TRIP12: variants seen among roughly 807,000 people sequenced by gnomAD.
The protein encoded by TRIP12 is E3 ubiquitin-protein ligase TRIP12.
TRIP12 carries 25 observed loss-of-function variants against 244.2 expected under a neutral mutation model. The observed-to-expected ratio is 0.10, with a 90% confidence interval of 0.07 to 0.14. The LOEUF (loss-of-function observed/expected upper bound fraction) is 0.14, where lower values mean the gene tolerates loss of function less well. TRIP12 is among the 10% of genes least tolerant of loss of function. The pLI is 1.00. For missense variants in TRIP12, 1,677 were observed against 2,486.4 expected (o/e 0.67, Z 6.92); for synonymous variants, 905 against 873.1 (o/e 1.04, Z -0.64).
At chr2:229,768,497 G>A (rs2032792843) in intron 41 of TRIP12, 119 bp downstream of exon 41, 4 of 841,088 alleles carry the variant, frequency 4.8e-6, no homozygotes, top group Non-Finnish European at 1.9e-6. Flanking sequence ...TAATGATACT[G>A]GAATAACTAA....
At chr2:229,845,862 C>G (rs566251347) in intron 4 of TRIP12, among the ~76,000 whole-genome samples, 1 of 88,850 alleles carries the variant, frequency 1.1e-5, no homozygotes, top group African/African-American at 3.6e-5. Flanking sequence ...CAAAAAATTA[C>G]GAAGAAAAAA....
chr2:229,828,773 A>ATAT (rs1002919560), intron 8 of TRIP12, among the ~76,000 whole-genome samples: 1 of 151,704 alleles, frequency 6.6e-6, no homozygotes, highest in African/African-American at 2.4e-5. Flanking sequence ...TCTCAAAAAA[A>ATAT]ATATATATAT....
chr2:229,860,783 CGTT>C (rs1251444082), intron 2 of TRIP12, among the ~76,000 whole-genome samples: 1 of 151,998 alleles, frequency 6.6e-6, no homozygotes, highest in Non-Finnish European at 1.5e-5. Context: ...AATTGCACAG[CGTT>C]GTTAAGGTTG....
chr2:229,819,415 T>G (rs1414570632), intron 8 of TRIP12, among the ~76,000 whole-genome samples: 1 of 152,078 alleles, frequency 6.6e-6, no homozygotes, highest in Non-Finnish European at 1.5e-5. Context: ...CGCAGTGGTG[T>G]GCACCTGTAG....
At position 229,802,273 on chromosome 2, in the gene TRIP12, G is replaced by A; in HGVS notation, c.3185C>T (p.Ser1062Phe). 1.2e-6 allele frequency: 2 copies of A among 1,603,704 alleles called. No homozygotes were observed. Residue 1062 changes from serine (S) to phenylalanine (F), a missense_variant, in exon 21 of 42, where the codon TCT becomes TTT. Physicochemically the swap from Ser to Phe is radical, Grantham distance 155 (BLOSUM62 -2). Transcript: ENST00000675903. ...SPSLQHSRDD[S>F]LDLSPQGRLS... ...TTACCCTTGAGGGCTGAGATCTAAA[G>A]AATCATCCCTGCTGTGCTGCAAGCT...
chr2:229,852,258 CT>C (rs1455629352), intron 4 of TRIP12, among the ~76,000 whole-genome samples: 1 of 152,168 alleles, frequency 6.6e-6, no homozygotes, highest in Non-Finnish European at 1.5e-5. Flanking sequence ...GGAAATATAA[CT>C]TAAGTTTTTC....
chr2:229,874,855 T>C (rs1374770691), intron 2 of TRIP12, among the ~76,000 whole-genome samples: 1 of 152,208 alleles, frequency 6.6e-6, no homozygotes, highest in Non-Finnish European at 1.5e-5. Context: ...TTGAAGACAC[T>C]ACCACTAAAG....
At chr2:229,795,846 C>T (rs112692289) in intron 25 of TRIP12, among the ~76,000 whole-genome samples, 199 of 152,264 alleles carry the variant, frequency 1.3e-3, no homozygotes, top group African/African-American at 4.7e-3. Flanking sequence ...AATGAATCTC[C>T]AATAAATACT....
In TRIP12 at chr2:229,766,446, A is replaced by C. The variant is rs550434305; in HGVS notation, c.*1108T>G. 1 of 152,246 alleles carries C rather than the reference A, an allele frequency of 6.6e-6. No individual in the cohort carries two copies. The allele number at this position is 152,246 out of a possible 1,614,324, so 9.4% of individuals were successfully genotyped here. On this transcript the variant is annotated 3_prime_UTR_variant, in exon 42 of 42. Coordinates refer to ENST00000675903, the MANE Select transcript of TRIP12 (RefSeq NM_001348323.3). The stretch of plus-strand genomic sequence containing the variant: ...CTGATGGATTATTGCAGATTTGAGA[A>C]ATCAGCACATAAAATGACTGGACAG...
At position 229,909,948 on chromosome 2, in the gene TRIP12, A is replaced by G. The variant is rs143927209; in HGVS notation, c.-50+11932T>C. ...GAGTAACTGCACTGACATGCCTTAA[A>G]TGATTGCTTTTCTAGGTTTGAGAGT... On this transcript the variant is annotated intron_variant, in intron 1 of 41. Transcript: ENST00000675903. Among the ~76,000 whole-genome samples, 777 of 152,340 alleles carry G rather than the reference A, an allele frequency of 5.1e-3. 5 individuals are homozygous for G. The highest frequency in any genetic ancestry group is 0.017 in the African/African-American group (719 of 41,568).
intron 9 of TRIP12, among the ~76,000 whole-genome samples, chr2:229,816,226 G>A (rs988499775): frequency 6.6e-6 from 1 of 151,450 alleles, no homozygotes; most frequent in South Asian, 2.1e-4. Flanking sequence ...AATTGTGCTG[G>A]GTAAAGTATA....
At chr2:229,786,396 C>CTTTTTTT (rs34138414) in intron 33 of TRIP12, among the ~76,000 whole-genome samples, 3 of 127,768 alleles carry the variant, frequency 2.3e-5, no homozygotes, top group East Asian at 2.2e-4. Context: ...AATAGGATGA[C>CTTTTTTT]TTTTTTTTTT....
intron 41 of TRIP12, among the ~76,000 whole-genome samples, 191 bp from the exon 42 acceptor site, chr2:229,767,941 A>C (rs1258793376): frequency 6.6e-6 from 1 of 152,218 alleles, no homozygotes; most frequent in Non-Finnish European, 1.5e-5. Flanking sequence ...GCTGTATAAC[A>C]TGGAGGCAAC....
chr2:229,778,726 C>T lies in TRIP12; in HGVS notation c.5210-139G>A. 2 of 1,339,316 alleles carry T rather than the reference C, an allele frequency of 1.5e-6. No individual in the cohort carries two copies. The highest frequency in any genetic ancestry group is 2.1e-6 in the Non-Finnish European group (2 of 971,044). The allele number at this position is 1,339,316 out of a possible 1,614,324, so 83.0% of individuals were successfully genotyped here. A position where few individuals can be genotyped will look rare whatever the true frequency, so the allele number is the denominator to read the frequency against. On this transcript the variant is annotated intron_variant, in intron 35 of 41. Coordinates refer to ENST00000675903, the MANE Select transcript of TRIP12 (RefSeq NM_001348323.3). The surrounding 1 kb of genome is among the most constrained non-coding windows in gnomAD (Gnocchi z 4.1). Reference sequence around the variant, plus strand: ...CTGAATGAAGTCCTCTAGAACTGGACAGGCCTTCCCTATTTGATAAATGAG... The same window carrying T: ...CTGAATGAAGTCCTCTAGAACTGGATAGGCCTTCCCTATTTGATAAATGAG...
rs761830130 is a variant in TRIP12, at chr2:229,789,745, C to A, written c.4561G>T (p.Val1521Leu). ...AGGTAAACTTCTAAAGGATTTGATA[C>A]TGATGGGCACACTCCATCTAAAGGA... is the stretch of plus-strand genomic sequence containing the variant. ...ELWHDGVCPS[V>L]SNPLEVYLIP... Residue 1521 changes from valine to leucine, a missense_variant, in exon 31 of 42, where the codon GTA (valine) becomes TTA (leucine). By Grantham distance (32) the Val-to-Leu change is conservative. This residue lies in a region of TRIP12 where 265 missense variants were observed against 370.8 expected (regional missense o/e 0.71). Transcript: ENST00000675903. The A allele has an allele frequency of 6.2e-7, 1 of 1,613,964 alleles. No homozygotes were observed. Among genetic ancestry groups the A allele is most frequent in the Non-Finnish European group, 8.5e-7 (1 of 1,179,922 alleles).
At chr2:229,856,290 A>C (rs1048038623) in intron 4 of TRIP12, among the ~76,000 whole-genome samples, 1 of 152,184 alleles carries the variant, frequency 6.6e-6, no homozygotes, top group Non-Finnish European at 1.5e-5. Context: ...AATGAGTTTT[A>C]AAATACTAAA....
chr2:229,777,198 A>G (rs1351107179), intron 37 of TRIP12, 117 bp downstream of exon 37: 10 of 1,195,526 alleles, frequency 8.4e-6, no homozygotes, highest in Non-Finnish European at 1.0e-5. Flanking sequence ...AAAAGAATTA[A>G]AATCTTCTAA....
chr2:229,847,808 A>ATTCCT (rs1010239469), intron 4 of TRIP12, among the ~76,000 whole-genome samples: 4 of 152,194 alleles, frequency 2.6e-5, no homozygotes, highest in Non-Finnish European at 4.4e-5. Flanking sequence ...CTGGGTAACC[A>ATTCCT]TTCCTCTCCT....
At chr2:229,846,527 T>G (rs1011218175) in intron 4 of TRIP12, among the ~76,000 whole-genome samples, 1 of 152,184 alleles carries the variant, frequency 6.6e-6, no homozygotes, top group Non-Finnish European at 1.5e-5. Flanking sequence ...AAGTACAACT[T>G]TTATGTGCAC....
Sources: allele counts gnomAD v4.1 joint callset (sites outside exome capture counted in the v4.1 genomes callset), GRCh38; gene constraint gnomAD v4.1.1; regional missense constraint gnomAD v4.1.1; non-coding constraint Gnocchi (gnomAD v3.1); transcripts MANE v1.5; gene names NCBI Gene and HGNC (gene_info 2026-07-23, HGNC 2026-07-21).